The following APBB1IP variants were observed in gnomAD, a reference collection of about 807,000 sequenced individuals.
APBB1IP encodes the protein amyloid beta A4 precursor protein-binding family B member 1-interacting protein.
A neutral mutation model predicts 64.9 loss-of-function variants in APBB1IP; 27 were observed. The ratio of observed to expected loss-of-function variants is 0.42; its 90% CI spans 0.31 to 0.57. APBB1IP has a LOEUF of 0.57. Ranked by LOEUF, APBB1IP falls within the 20% of genes least tolerant of loss-of-function variation. The pLI, the probability that APBB1IP is intolerant of heterozygous loss-of-function variation, is 0.20. For missense variants in APBB1IP, 812 were observed against 845.5 expected (o/e 0.96, Z 0.49); for synonymous variants, 392 against 331.0 (o/e 1.18, Z -2.00).
chr10:26,487,506 T>A (rs1202994069), intron 2 of APBB1IP, among the ~76,000 whole-genome samples: 1 of 152,186 alleles, frequency 6.6e-6, no homozygotes, highest in African/African-American at 2.4e-5. Flanking sequence ...TACTTATGAC[T>A]GTACGTTTCA....
At chr10:26,472,971 AT>A (rs1199373512) in intron 2 of APBB1IP, among the ~76,000 whole-genome samples, 1 of 152,112 alleles carries the variant, frequency 6.6e-6, no homozygotes, top group African/African-American at 2.4e-5. Context: ...AGATAACAGC[AT>A]ACAGTTATTC....
rs143251333 is a variant in APBB1IP, at chr10:26,518,015, T to C, written c.813+4355T>C. ...TGTCACCCAGGCTGGAATACAGTGG[T>C]GCAATCTAGGCTCACTGCAACTTCT... On this transcript the variant is annotated intron_variant, in intron 8 of 14. Coordinates refer to ENST00000376236, the MANE Select transcript of APBB1IP (RefSeq NM_019043.4). Among the ~76,000 whole-genome samples, 435 of 151,552 alleles carry C rather than the reference T, an allele frequency of 2.9e-3. 2 individuals carry two copies. The highest frequency in any genetic ancestry group is 5.5e-3 in the Non-Finnish European group (372 of 67,860).
chr10:26,524,358 A>G (rs1836443572), intron 8 of APBB1IP, among the ~76,000 whole-genome samples: 1 of 152,064 alleles, frequency 6.6e-6, no homozygotes. Flanking sequence ...TTGCCATTAG[A>G]TCATGTTTCT....
At chr10:26,557,777 G>C (rs1413640185) in intron 11 of APBB1IP, among the ~76,000 whole-genome samples, 1 of 152,182 alleles carries the variant, frequency 6.6e-6, no homozygotes, top group Non-Finnish European at 1.5e-5. Context: ...GCTCTTGCTG[G>C]CTGAGTCATT....
intron 6 of APBB1IP, 88 bp downstream of exon 6, chr10:26,503,362 G>T: frequency 7.4e-7 from 1 of 1,348,448 alleles, no homozygotes; most frequent in Admixed American, 2.1e-5. Context: ...AAAGCCGGGC[G>T]CGGTGGCTCA....
At chr10:26,545,364 C>G (rs1836746620) in intron 11 of APBB1IP, among the ~76,000 whole-genome samples, 1 of 152,222 alleles carries the variant, frequency 6.6e-6, no homozygotes, top group Admixed American at 6.5e-5. Flanking sequence ...GTGGCACGTG[C>G]TTGTAATCCC....
At chr10:26,524,439 T>G (rs935722890) in intron 8 of APBB1IP, among the ~76,000 whole-genome samples, 2 of 152,096 alleles carry the variant, frequency 1.3e-5, no homozygotes, top group African/African-American at 2.4e-5. Flanking sequence ...ACAAAATATT[T>G]AAAGAGGGTT....
intron 14 of APBB1IP, among the ~76,000 whole-genome samples, 162 bp from the exon 15 acceptor site, chr10:26,566,799 G>C (rs973115397): frequency 3.3e-5 from 5 of 151,954 alleles, no homozygotes; most frequent in Non-Finnish European, 5.9e-5. Flanking sequence ...GAGGCAGGAG[G>C]ATTGCTTGAG....
intron 2 of APBB1IP, among the ~76,000 whole-genome samples, chr10:26,464,141 T>C (rs188792979): frequency 6.6e-6 from 1 of 152,336 alleles, no homozygotes; most frequent in East Asian, 1.9e-4. Flanking sequence ...AGTTACTCAG[T>C]ATCTACAGTC....
At chr10:26,457,235 C>G (rs1005692365) in intron 2 of APBB1IP, among the ~76,000 whole-genome samples, 1 of 152,208 alleles carries the variant, frequency 6.6e-6, no homozygotes, top group Non-Finnish European at 1.5e-5. Flanking sequence ...TCTTCCCTTT[C>G]TCTGGTCTGC....
At chr10:26,504,435 C>T (rs1233883165) in intron 6 of APBB1IP, among the ~76,000 whole-genome samples, 1 of 152,070 alleles carries the variant, frequency 6.6e-6, no homozygotes, top group Non-Finnish European at 1.5e-5. Context: ...TTAGGCTGGG[C>T]GCGGTGGCTC....
At chr10:26,487,131 G>A (rs1835901405) in intron 2 of APBB1IP, among the ~76,000 whole-genome samples, 2 of 151,512 alleles carry the variant, frequency 1.3e-5, no homozygotes, top group African/African-American at 4.9e-5. Flanking sequence ...GCTTCACTGT[G>A]ATAACTCCAC....
chr10:26,498,316 C>T (rs1486756901), intron 4 of APBB1IP, among the ~76,000 whole-genome samples: 1 of 151,982 alleles, frequency 6.6e-6, no homozygotes, highest in Non-Finnish European at 1.5e-5. Flanking sequence ...CAAGACCAGC[C>T]TGGCCAACAT....
At chr10:26,458,155 A>G (rs1279367683) in intron 2 of APBB1IP, among the ~76,000 whole-genome samples, 1 of 152,216 alleles carries the variant, frequency 6.6e-6, no homozygotes, top group East Asian at 1.9e-4. Context: ...TGGGAGGCCA[A>G]GGTCGGTGGA....
At position 26,498,799 on chromosome 10, in the gene APBB1IP, C is replaced by T. The variant is rs570220278; in HGVS notation, c.161-2020C>T. On this transcript the variant is annotated intron_variant, in intron 4 of 14. Transcript: ENST00000376236. Reference sequence around the variant, plus strand: ...GTGATATTACACTACAGTAATAAGACACTCTTCTCATTAAGGAATCAAGAT... The same window carrying T: ...GTGATATTACACTACAGTAATAAGATACTCTTCTCATTAAGGAATCAAGAT... Among the ~76,000 whole-genome samples, 5 of 152,252 alleles carry T rather than the reference C, an allele frequency of 3.3e-5. No homozygotes were observed. In the South Asian group the frequency reaches 6.2e-4, roughly 19 times the overall value.
At chr10:26,456,809 AAAG>A (rs1038794650) in intron 2 of APBB1IP, among the ~76,000 whole-genome samples, 25 of 152,070 alleles carry the variant, frequency 1.6e-4, no homozygotes, top group African/African-American at 6.0e-4. Flanking sequence ...TTACAAAAGA[AAAG>A]AAGGAGAGAT....
intron 10 of APBB1IP, among the ~76,000 whole-genome samples, chr10:26,536,886 C>T (rs764320955): frequency 1.3e-5 from 2 of 152,062 alleles, no homozygotes; most frequent in African/African-American, 4.8e-5. Flanking sequence ...GCTGGGATTA[C>T]AGGCATGAGT....
At chr10:26,550,962 T>G (rs905376254) in intron 11 of APBB1IP, among the ~76,000 whole-genome samples, 1 of 152,152 alleles carries the variant, frequency 6.6e-6, no homozygotes, top group Admixed American at 6.5e-5. Flanking sequence ...TAGACCCGAA[T>G]CCTACACTAA....
At chr10:26,475,449 G>A (rs919464547) in intron 2 of APBB1IP, among the ~76,000 whole-genome samples, 8 of 152,196 alleles carry the variant, frequency 5.3e-5, no homozygotes, top group Non-Finnish European at 8.8e-5. Context: ...GTGTGGATTT[G>A]AGTACATGTC....
Sources: gnomAD v4.1 joint callset for allele counts (sites outside exome capture counted in the v4.1 genomes callset) on GRCh38, gnomAD v4.1.1 for gene constraint, MANE v1.5 for transcripts, NCBI Gene and HGNC (gene_info 2026-07-23, HGNC 2026-07-21) for gene names.